Variants in ERO1A observed in about 807,000 individuals in gnomAD.
The protein encoded by ERO1A is ERO1-like protein alpha.
In ERO1A, 49 loss-of-function variants were observed where a neutral mutation model predicts 76.9. The ratio of observed to expected loss-of-function variants is 0.64; its 90% confidence interval spans 0.51 to 0.81. ERO1A has a LOEUF of 0.81. Among genes scored for constraint, ERO1A ranks in the 30% least tolerant of loss-of-function variants. The pLI, the probability that ERO1A is intolerant of heterozygous loss-of-function variation, is 0.00. For missense variants in ERO1A, 448 were observed against 542.1 expected, an observed-to-expected ratio of 0.83 and a Z score of 1.72; for synonymous variants, 174 against 181.2, an observed-to-expected ratio of 0.96 and a Z score of 0.32.
At chr14:52,661,411 C>A in intron 8 of ERO1A, 107 bp from the exon 9 acceptor site, 1 of 819,638 alleles carries the variant, frequency 1.2e-6, no homozygotes, top group Non-Finnish European at 1.8e-6. Context: ...AGTTTTAGTC[C>A]AACAGTTCAT....
At chr14:52,683,319 A>G (rs1465975876) in intron 2 of ERO1A, among the ~76,000 whole-genome samples, 1 of 152,206 alleles carries the variant, frequency 6.6e-6, no homozygotes, top group Non-Finnish European at 1.5e-5. Context: ...TAACAGGTAG[A>G]GGATAGACAA....
intron 9 of ERO1A, among the ~76,000 whole-genome samples, chr14:52,660,367 T>C (rs570129125): frequency 1.2e-3 from 188 of 152,310 alleles, no homozygotes; most frequent in Admixed American, 3.3e-3. Context: ...CCTCCTCTAA[T>C]GTGGCTAACA....
At chr14:52,687,107 G>A (rs2041201694) in intron 1 of ERO1A, among the ~76,000 whole-genome samples, 1 of 152,154 alleles carries the variant, frequency 6.6e-6, no homozygotes, top group Non-Finnish European at 1.5e-5. Context: ...GATGGTGGCA[G>A]GACCAGTTCT....
At chr14:52,688,200 GAA>G (rs937428583) in intron 1 of ERO1A, among the ~76,000 whole-genome samples, 1 of 140,496 alleles carries the variant, frequency 7.1e-6, no homozygotes, top group Non-Finnish European at 1.6e-5. Context: ...AAATAGAAAA[GAA>G]AAAAAAAAAG....
At chr14:52,679,538 G>A (rs1407119047) in intron 3 of ERO1A, among the ~76,000 whole-genome samples, 2 of 151,162 alleles carry the variant, frequency 1.3e-5, no homozygotes, top group Non-Finnish European at 2.9e-5. Context: ...TCAGCCTCCC[G>A]AGTGGCACCC....
chr14:52,669,026 C>T (rs2040510124), intron 6 of ERO1A, among the ~76,000 whole-genome samples: 1 of 152,028 alleles, frequency 6.6e-6, no homozygotes, highest in South Asian at 2.1e-4. Context: ...AACATGCGTT[C>T]TGCAAAACCT....
At chr14:52,680,781 T>C (rs1363556984) in intron 3 of ERO1A, among the ~76,000 whole-genome samples, 1 of 152,180 alleles carries the variant, frequency 6.6e-6, no homozygotes, top group Non-Finnish European at 1.5e-5. Flanking sequence ...TTTCAATAAG[T>C]TGTATCTATA....
intron 4 of ERO1A, among the ~76,000 whole-genome samples, chr14:52,677,729 G>C (rs1347750088): frequency 6.6e-6 from 1 of 151,698 alleles, no homozygotes; most frequent in African/African-American, 2.4e-5. Flanking sequence ...TATGCATGGA[G>C]GCATTTGCCT....
At chr14:52,683,507 G>A (rs2041069238) in intron 2 of ERO1A, among the ~76,000 whole-genome samples, 2 of 152,084 alleles carry the variant, frequency 1.3e-5, no homozygotes, top group Non-Finnish European at 2.9e-5. Flanking sequence ...TGATGTTTTA[G>A]AAAATTATGA....
chr14:52,691,072 A>G (rs2041338696), intron 1 of ERO1A, among the ~76,000 whole-genome samples: 1 of 152,190 alleles, frequency 6.6e-6, no homozygotes. Context: ...CAGCCAATAT[A>G]TGCAATTTTT....
Position 52,646,414 on chromosome 14 carries a change from AC to A in ERO1A, c.1172del (p.Cys391LeufsTer22). 2 of 1,613,072 alleles carry A rather than the reference AC, an allele frequency of 1.2e-6. No homozygotes were observed. Among genetic ancestry groups the A allele is most frequent in the Non-Finnish European group, 1.7e-6 (2 of 1,179,730 alleles). ...HFRNISRIMD[C>X]VGCFKCRLWG... ...ACAGACGACATTTAAAACAACCAAC[AC>A]AATCCATAATTCTTGAAATATTTCT... On this transcript the variant is annotated frameshift_variant, in exon 14 of 16. Coordinates refer to ENST00000395686, the MANE Select transcript of ERO1A (RefSeq NM_014584.3). LOFTEE classifies it high-confidence loss of function.
At chr14:52,689,372 A>G (rs1227058111) in intron 1 of ERO1A, among the ~76,000 whole-genome samples, 1 of 152,206 alleles carries the variant, frequency 6.6e-6, no homozygotes, top group East Asian at 1.9e-4. Flanking sequence ...TTTGCAGATG[A>G]CATGATCTTA....
At chr14:52,681,463 C>T (rs1005925020) in intron 3 of ERO1A, among the ~76,000 whole-genome samples, 5 of 151,912 alleles carry the variant, frequency 3.3e-5, no homozygotes, top group African/African-American at 9.7e-5. Flanking sequence ...ATTAGCTGGG[C>T]GTGGTGGCAC....
rs1312841522 is a variant in ERO1A at position 52,658,137 on chromosome 14, G to A, written c.702C>T (p.Tyr234=). ...GQGTSEENTF[Y]SWLEGLCVEK... The stretch of plus-strand genomic sequence containing the variant: ...GTTTCTAATTACCTTCTAGCCAACT[G>A]TAAAAAGTGTTCTCTGAAATCAAAA... The change falls in exon 10 of 16, where the codon TAC becomes TAT. Residue 234 remains tyrosine, a synonymous_variant. Coordinates refer to ENST00000395686, the MANE Select transcript of ERO1A (RefSeq NM_014584.3). The A allele has an allele frequency of 1.3e-6, 2 of 1,501,574 alleles. No homozygotes were observed. The highest frequency in any genetic ancestry group is 2.4e-5 in the South Asian group (2 of 83,322). 93.0% of individuals were successfully genotyped at this position (1,501,574 alleles called of 1,614,324 possible).
intron 4 of ERO1A, among the ~76,000 whole-genome samples, chr14:52,676,107 G>A (rs536052797): frequency 2.3e-4 from 35 of 152,274 alleles, no homozygotes; most frequent in African/African-American, 8.2e-4. Context: ...TGGCCTTTAG[G>A]AATAGTGAAT....
intron 9 of ERO1A, 123 bp from the exon 10 acceptor site, chr14:52,658,273 C>T (rs1034627093): frequency 4.2e-5 from 28 of 666,368 alleles, no homozygotes; most frequent in Middle Eastern, 4.2e-4. Context: ...TTTAACCTAA[C>T]GGTCCAAGTC....
chr14:52,676,800 C>T (rs1045558407), intron 4 of ERO1A, among the ~76,000 whole-genome samples: 2 of 150,332 alleles, frequency 1.3e-5, no homozygotes, highest in African/African-American at 2.4e-5. Flanking sequence ...TTTGAGAGGC[C>T]GAGGTGGGTG....
chr14:52,676,335 C>T (rs1566644093), intron 4 of ERO1A, among the ~76,000 whole-genome samples: 1 of 152,174 alleles, frequency 6.6e-6, no homozygotes, highest in Non-Finnish European at 1.5e-5. Context: ...ACTATTCTCT[C>T]TATGTAGGAT....
chr14:52,682,433 A>AT, intron 2 of ERO1A, 25 bp from the exon 3 acceptor site: 1 of 1,523,642 alleles, frequency 6.6e-7, no homozygotes, highest in Non-Finnish European at 8.9e-7. Flanking sequence ...TAGAAAAAAA[A>AT]TTATAAAAAT....
Sources: allele counts gnomAD v4.1 joint callset (sites outside exome capture counted in the v4.1 genomes callset), GRCh38; gene constraint gnomAD v4.1.1; transcripts MANE v1.5; gene names NCBI Gene and HGNC (gene_info 2026-07-23, HGNC 2026-07-21).